Variants in MINDY3 observed in about 807,000 individuals in gnomAD.
MINDY3 encodes the protein MINDY lysine 48 deubiquitinase 3.
In MINDY3, 38 loss-of-function variants were observed where a neutral mutation model predicts 69.2. The ratio of observed to expected loss-of-function variants is 0.55; its 90% CI spans 0.42 to 0.72. The LOEUF (loss-of-function observed/expected upper bound fraction) is 0.72, where lower values mean the gene tolerates loss of function less well. Among genes scored for constraint, MINDY3 ranks in the 30% least tolerant of loss-of-function variants. The probability of loss-of-function intolerance (pLI) is 0.00; values close to 1 mark genes in which losing one functional copy is unlikely to be tolerated. For missense variants in MINDY3, 522 were observed against 519.0 expected (o/e 1.01, Z -0.06); for synonymous variants, 192 against 180.1 (o/e 1.07, Z -0.53).
At chr10:15,839,913 C>T (rs1833345491) in intron 4 of MINDY3, among the ~76,000 whole-genome samples, 1 of 151,548 alleles carries the variant, frequency 6.6e-6, no homozygotes, top group African/African-American at 2.4e-5. Flanking sequence ...ATATGCCCAT[C>T]TAAATTAGTT....
At chr10:15,825,303 A>G (rs994022140) in intron 8 of MINDY3, among the ~76,000 whole-genome samples, 1 of 152,248 alleles carries the variant, frequency 6.6e-6, no homozygotes, top group African/African-American at 2.4e-5. Context: ...GGTCCCAAGC[A>G]TGTACTCTAC....
At chr10:15,808,816 C>A (rs183970538) in intron 10 of MINDY3, among the ~76,000 whole-genome samples, 14 of 152,162 alleles carry the variant, frequency 9.2e-5, no homozygotes, top group African/African-American at 3.4e-4. Flanking sequence ...CTCATCTCCC[C>A]AACTTCAATG....
At chr10:15,853,132 G>A (rs147784316) in intron 1 of MINDY3, among the ~76,000 whole-genome samples, 1 of 152,224 alleles carries the variant, frequency 6.6e-6, no homozygotes, top group East Asian at 1.9e-4. Flanking sequence ...AAAAAGGAAT[G>A]ATAGTTTGAA....
At chr10:15,857,905 T>A in intron 1 of MINDY3, 3 of 972,894 alleles carry the variant, frequency 3.1e-6, no homozygotes, top group Non-Finnish European at 3.7e-6. Flanking sequence ...ACATCTTACA[T>A]CTGTATCTTG....
rs117306912 is a variant in MINDY3 at position 15,850,236 on chromosome 10, C to T, written c.95-2293G>A. ...CTGAGCATGTATGTCGCCTCAGGAT[C>T]CTGTGATGATTGTGTTATCTGCATA... On this transcript the variant is annotated intron_variant, in intron 1 of 14. Transcript: ENST00000277632. 9.9e-3 allele frequency among the ~76,000 whole-genome samples: 1,502 copies of T among 152,212 alleles called. 9 individuals carry two copies. Among genetic ancestry groups the T allele is most frequent in the Non-Finnish European group, 0.016 (1,059 of 68,012 alleles).
At chr10:15,857,676 A>C (rs1455427647) in intron 1 of MINDY3, among the ~76,000 whole-genome samples, 1 of 152,144 alleles carries the variant, frequency 6.6e-6, no homozygotes, top group Admixed American at 6.5e-5. Context: ...AAAACTGCCC[A>C]AAAAAAGAAG....
intron 6 of MINDY3, among the ~76,000 whole-genome samples, chr10:15,834,979 T>A (rs1832977961): frequency 6.6e-6 from 1 of 151,984 alleles, no homozygotes; most frequent in African/African-American, 2.4e-5. Flanking sequence ...ACTGATTTTT[T>A]TAGATCATGT....
intron 12 of MINDY3, among the ~76,000 whole-genome samples, chr10:15,788,670 A>C (rs536698655): frequency 6.6e-6 from 1 of 152,272 alleles, no homozygotes; most frequent in African/African-American, 2.4e-5. Context: ...CTTAATCTAC[A>C]GAGGAAGTTG....
chr10:15,831,454 CT>C (rs1588613356), intron 8 of MINDY3, among the ~76,000 whole-genome samples: 1 of 152,104 alleles, frequency 6.6e-6, no homozygotes. Flanking sequence ...ACCCAATTTT[CT>C]TTTCCAAGTT....
intron 10 of MINDY3, among the ~76,000 whole-genome samples, chr10:15,815,555 AT>A (rs1839295844): frequency 6.6e-6 from 1 of 152,224 alleles, no homozygotes; most frequent in Admixed American, 6.5e-5. Flanking sequence ...GCACATCACA[AT>A]GAAGAAACCT....
chr10:15,837,365 T>C (rs1833160182), intron 5 of MINDY3, 47 bp from the exon 6 acceptor site: 19 of 1,391,930 alleles, frequency 1.4e-5, no homozygotes, highest in Non-Finnish European at 1.9e-5. Flanking sequence ...TGAGATTAAC[T>C]ACATTCATAA....
At chr10:15,786,001 T>A (rs1273950726) in intron 13 of MINDY3, among the ~76,000 whole-genome samples, 2 of 152,142 alleles carry the variant, frequency 1.3e-5, no homozygotes, top group Non-Finnish European at 2.9e-5. Context: ...AGATGGGTAT[T>A]GGATATAGAA....
intron 8 of MINDY3, among the ~76,000 whole-genome samples, chr10:15,825,251 A>G (rs186279216): frequency 1.3e-4 from 20 of 152,344 alleles, no homozygotes; most frequent in Admixed American, 1.1e-3. Flanking sequence ...AAAAATGCAA[A>G]TATTTCCAAA....
chr10:15,816,550 AT>A (rs1433027290), intron 10 of MINDY3, among the ~76,000 whole-genome samples: 9 of 151,656 alleles, frequency 5.9e-5, no homozygotes, highest in Non-Finnish European at 8.8e-5. Flanking sequence ...TTAAAATTCA[AT>A]TGTTTTCTCT....
Position 15,833,800 on chromosome 10 carries a change from C to A in MINDY3, c.651-91G>T, listed in dbSNP as rs1832896218. ...CAAAGTATAAAGTAATGACTTTTCACATTAAATTATGTAAGAATTTACAAA... is the reference window on the plus strand; with the variant it reads ...CAAAGTATAAAGTAATGACTTTTCAAATTAAATTATGTAAGAATTTACAAA... On this transcript the variant is annotated intron_variant, in intron 7 of 14. Transcript: ENST00000277632. The A allele has an allele frequency of 1.1e-5, 9 of 826,448 alleles. No individual in the cohort carries two copies. In the East Asian group the frequency reaches 2.4e-4, roughly 22 times the overall value. 51.2% of individuals were successfully genotyped at this position (826,448 alleles called of 1,614,324 possible).
In MINDY3 at chr10:15,778,747, T is replaced by C. The variant is rs1836289119; in HGVS notation, c.*245A>G. 1 of 347,046 alleles carries C rather than the reference T, an allele frequency of 2.9e-6. No individual in the cohort carries two copies. Among genetic ancestry groups the C allele is most frequent in the Non-Finnish European group, 5.2e-6 (1 of 191,672 alleles). 21.5% of individuals were successfully genotyped at this position (347,046 alleles called of 1,614,324 possible). A position where few individuals can be genotyped will look rare whatever the true frequency, so the allele number is the denominator to read the frequency against. ...ACCAAGTATCTGAATGCAAAAGTGA[T>C]GAACTTTGATGAAAGCTTAATTTTG... On this transcript the variant is annotated 3_prime_UTR_variant, in exon 15 of 15. Transcript: ENST00000277632.
chr10:15,831,673 C>CTTT (rs10716234), intron 8 of MINDY3, among the ~76,000 whole-genome samples: 11 of 121,350 alleles, frequency 9.1e-5, no homozygotes, highest in Non-Finnish European at 1.2e-4. Context: ...GCCTCCTTTT[C>CTTT]TTTTTTTTTT....
At chr10:15,795,199 G>A (rs1316546450) in intron 11 of MINDY3, among the ~76,000 whole-genome samples, 2 of 151,952 alleles carry the variant, frequency 1.3e-5, no homozygotes, top group East Asian at 1.9e-4. Context: ...TATTCATAAC[G>A]CCTCTAAGAA....
intron 7 of MINDY3, 32 bp from the exon 8 acceptor site, chr10:15,833,741 T>C: frequency 7.6e-7 from 1 of 1,321,216 alleles, no homozygotes; most frequent in African/African-American, 1.5e-5. Flanking sequence ...CAATTAAATA[T>C]GAATATAGTT....
Sources: allele counts gnomAD v4.1 joint callset (sites outside exome capture counted in the v4.1 genomes callset), GRCh38; gene constraint gnomAD v4.1.1; transcripts MANE v1.5; gene names NCBI Gene and HGNC (gene_info 2026-07-23, HGNC 2026-07-21).